PGAP2: variants seen among roughly 807,000 people sequenced by gnomAD.
PGAP2 encodes the protein post-GPI attachment to proteins 2, also known as acyltransferase PGAP2.
A neutral mutation model predicts 33.2 loss-of-function variants in PGAP2; 21 were observed. The observed-to-expected ratio is 0.63, with a 90% CI of 0.45 to 0.91. The LOEUF (loss-of-function observed/expected upper bound fraction) is 0.91, where lower values mean the gene tolerates loss of function less well. Among genes scored for constraint, PGAP2 ranks in the 40% least tolerant of loss-of-function variants. The probability of loss-of-function intolerance (pLI) is 0.00; values close to 1 mark genes in which losing one functional copy is unlikely to be tolerated. For missense variants in PGAP2, 345 were observed against 424.0 expected (o/e 0.81, Z 1.64); for synonymous variants, 161 against 172.9 (o/e 0.93, Z 0.54).
Position 3,825,137 on chromosome 11 carries a change from A to G in PGAP2, c.817+9A>G. The stretch of plus-strand genomic sequence containing the variant: ...GTATTGTGAGGCTGGAGGTGAGGCC[A>G]GGATAGGATCCACAGGCGGTCATGA... On this transcript the variant is annotated intron_variant, in intron 6 of 6. Transcript: ENST00000278243. 2 of 1,613,888 alleles carry G rather than the reference A, an allele frequency of 1.2e-6. No homozygotes were observed. The highest frequency in any genetic ancestry group is 1.7e-6 in the Non-Finnish European group (2 of 1,179,746).
intron 5 of PGAP2, 55 bp from the exon 6 acceptor site, chr11:3,824,965 G>T: frequency 6.2e-7 from 1 of 1,610,360 alleles, no homozygotes. Context: ...TGAGAGGGGA[G>T]CCCACGCTCT....
intron 2 of PGAP2, among the ~76,000 whole-genome samples, chr11:3,813,044 G>A (rs769755371): frequency 1.3e-5 from 2 of 152,062 alleles, no homozygotes; most frequent in Non-Finnish European, 2.9e-5. Context: ...ACCCTGCCCC[G>A]CTAGCTCTAA....
At chr11:3,822,813 TA>T in intron 3 of PGAP2, 1 of 665,004 alleles carries the variant, frequency 1.5e-6, no homozygotes, top group Non-Finnish European at 2.6e-6. Context: ...TGTCCCCATC[TA>T]AACCCTTGTT....
chr11:3,804,787 C>T (rs373091938), upstream of PGAP2, among the ~76,000 whole-genome samples: 44 of 152,252 alleles, frequency 2.9e-4, no homozygotes, highest in Non-Finnish European at 4.3e-4. Context: ...CTGCAACCTC[C>T]GCCTCCTGGG....
chr11:3,818,061 A>AAAC, intron 3 of PGAP2: 1 of 234,354 alleles, frequency 4.3e-6, no homozygotes, highest in South Asian at 3.2e-5. Context: ...ACAAAACAAA[A>AAAC]TAAAAAAAAA....
At chr11:3,815,545 G>A (rs998089413) in intron 2 of PGAP2, among the ~76,000 whole-genome samples, 14 of 152,096 alleles carry the variant, frequency 9.2e-5, no homozygotes, top group African/African-American at 3.4e-4. Context: ...CCTGACCTCA[G>A]GCAATCCAGT....
In PGAP2 at chr11:3,811,211, G is replaced by T; in HGVS notation, c.-10-39G>T. On this transcript the variant is annotated intron_variant, in intron 1 of 6. Coordinates refer to ENST00000278243, the MANE Select transcript of PGAP2 (RefSeq NM_014489.4). This position sits in a 1 kb window ranked among gnomAD's most constrained non-coding sequence, Gnocchi z 4.6. ...GACTTTATCACTGAGTGCCAGCCTGGCTGCCTGGGGCCCTGACAGCATGCC... is the reference window on the plus strand; with the variant it reads ...GACTTTATCACTGAGTGCCAGCCTGTCTGCCTGGGGCCCTGACAGCATGCC... 1 of 1,578,234 alleles carries T rather than the reference G, an allele frequency of 6.3e-7. No homozygotes were observed. Among genetic ancestry groups the T allele is most frequent in the South Asian group, 1.2e-5 (1 of 85,966 alleles).
At chr11:3,807,230 C>G (rs111809090), upstream of PGAP2, among the ~76,000 whole-genome samples, 1 of 147,258 alleles carries the variant, frequency 6.8e-6, no homozygotes, top group Non-Finnish European at 1.5e-5. Context: ...TCCAGCTACT[C>G]GGGAGGCTGA....
intron 1 of PGAP2, among the ~76,000 whole-genome samples, chr11:3,798,647 T>TTTTA (rs2082960936): frequency 6.7e-6 from 1 of 148,204 alleles, no homozygotes; most frequent in Admixed American, 6.7e-5. Flanking sequence ...TTTTTTTTTT[T>TTTTA]TTTTTGAGAT....
At chr11:3,824,558 C>A in intron 5 of PGAP2, 182 bp downstream of exon 5, 1 of 888,600 alleles carries the variant, frequency 1.1e-6, no homozygotes, top group South Asian at 1.6e-5. Flanking sequence ...GAATCTAGGA[C>A]TATAGCACTG....
At chr11:3,819,276 G>A (rs767370453) in intron 3 of PGAP2, among the ~76,000 whole-genome samples, 2 of 152,010 alleles carry the variant, frequency 1.3e-5, no homozygotes, top group Non-Finnish European at 2.9e-5. Flanking sequence ...CTGGAGATTT[G>A]TGCTTCAGAA....
Position 3,811,433 on chromosome 11 carries a change from T to TG in PGAP2, c.165+13dup. On this transcript the variant is annotated intron_variant, in intron 2 of 6. Transcript: ENST00000278243. This position sits in a 1 kb window ranked among gnomAD's most constrained non-coding sequence, Gnocchi z 4.6. ...CGGCCACACACTGTGGGGTAGGGCA[T>TG]GGGGACACTGATACCTCATATTCAG... 1 of 1,612,048 alleles carries TG rather than the reference T, an allele frequency of 6.2e-7. No homozygotes were observed. The highest frequency in any genetic ancestry group is 8.5e-7 in the Non-Finnish European group (1 of 1,178,664).
Position 3,824,920 on chromosome 11 carries a change from A to C in PGAP2, c.709-100A>C, listed in dbSNP as rs1245382428. 1.2e-5 allele frequency: 19 copies of C among 1,554,576 alleles called. No individual in the cohort carries two copies. The South Asian group carries it at 1.8e-4, about 15-fold the overall frequency. On this transcript the variant is annotated intron_variant, in intron 5 of 6. Transcript: ENST00000278243. ...CCTTCCATGACCGCTAGTGGGAGCC[A>C]AGGGAGATAAGGCCCAGCCCTTAGG...
intron 1 of PGAP2, among the ~76,000 whole-genome samples, chr11:3,799,602 T>C (rs2083161646): frequency 2.0e-5 from 3 of 152,198 alleles, no homozygotes; most frequent in Non-Finnish European, 4.4e-5. Context: ...TTACCTAAAA[T>C]GTAAATGAGT....
At chr11:3,798,611 G>A (rs1046655737) in intron 1 of PGAP2, among the ~76,000 whole-genome samples, 13 of 149,582 alleles carry the variant, frequency 8.7e-5, no homozygotes, top group Non-Finnish European at 1.8e-4. Flanking sequence ...GATTACAGAC[G>A]TGAGCCACCT....
chr11:3,820,618 C>T (rs919851841), intron 3 of PGAP2, among the ~76,000 whole-genome samples: 10 of 152,010 alleles, frequency 6.6e-5, no homozygotes, highest in Admixed American at 2.6e-4. Flanking sequence ...TGAGACCGCA[C>T]CATTGCACTC....
intron 1 of PGAP2, among the ~76,000 whole-genome samples, chr11:3,800,673 G>A (rs774962420): frequency 4.6e-5 from 7 of 151,872 alleles, no homozygotes; most frequent in South Asian, 4.2e-4. Flanking sequence ...TTAGCCGGGC[G>A]TGGTGGCACA....
At chr11:3,823,538 G>C in intron 3 of PGAP2, 21 of 1,490,400 alleles carry the variant, frequency 1.4e-5, no homozygotes, top group Non-Finnish European at 1.9e-5. Flanking sequence ...AACTCACCCA[G>C]GGTCTTAGTG....
intron 3 of PGAP2, among the ~76,000 whole-genome samples, chr11:3,820,658 C>T (rs2134864986): frequency 6.6e-6 from 1 of 150,972 alleles, no homozygotes; most frequent in South Asian, 2.1e-4. Context: ...GAAACTCCAT[C>T]TCAAAAAAAA....
Sources: gnomAD v4.1 joint callset for allele counts (sites outside exome capture counted in the v4.1 genomes callset) on GRCh38, gnomAD v4.1.1 for gene constraint, Gnocchi (gnomAD v3.1) non-coding constraint, MANE v1.5 for transcripts, NCBI Gene and HGNC (gene_info 2026-07-23, HGNC 2026-07-21) for gene names.